The following GRIK2 variants were observed in gnomAD, a reference collection of about 807,000 sequenced individuals.
GRIK2 encodes glutamate ionotropic receptor kainate type subunit 2.
Under a neutral mutation model 100.3 loss-of-function variants are expected in GRIK2, and 32 were observed. The ratio of observed to expected loss-of-function variants is 0.32; its 90% CI spans 0.24 to 0.43. The LOEUF (loss-of-function observed/expected upper bound fraction) is 0.43, where lower values mean the gene tolerates loss of function less well. GRIK2 is among the 20% of genes least tolerant of loss of function. The pLI, the probability that GRIK2 is intolerant of heterozygous loss-of-function variation, is 1.00. For missense variants in GRIK2, 843 were observed against 1,114.9 expected, an observed-to-expected ratio of 0.76 and a Z score of 3.47; for synonymous variants, 417 against 389.4, an observed-to-expected ratio of 1.07 and a Z score of -0.83.
At chr6:101,427,573 C>T (rs986076975) in intron 2 of GRIK2, among the ~76,000 whole-genome samples, 1 of 152,148 alleles carries the variant, frequency 6.6e-6, no homozygotes, top group Non-Finnish European at 1.5e-5. Context: ...TGGCACAATT[C>T]AGTACTTTAT....
intron 2 of GRIK2, among the ~76,000 whole-genome samples, chr6:101,609,608 T>G (rs1174066923): frequency 6.6e-6 from 1 of 151,826 alleles, no homozygotes; most frequent in Non-Finnish European, 1.5e-5. Context: ...TACAAAAATA[T>G]GGCTTTAAAA....
intron 2 of GRIK2, among the ~76,000 whole-genome samples, chr6:101,432,920 G>T (rs1030349005): frequency 6.6e-6 from 1 of 152,092 alleles, no homozygotes; most frequent in Non-Finnish European, 1.5e-5. Context: ...GAGGAAGAAA[G>T]ATCTACCCCC....
At chr6:101,823,899 G>T (rs761410573) in intron 10 of GRIK2, among the ~76,000 whole-genome samples, 1 of 143,132 alleles carries the variant, frequency 7.0e-6, no homozygotes, top group Non-Finnish European at 1.5e-5. Context: ...ATGGAGTCTC[G>T]CTCTGTCGCC....
intron 7 of GRIK2, among the ~76,000 whole-genome samples, chr6:101,765,853 T>C (rs1778015314): frequency 6.6e-6 from 1 of 152,180 alleles, no homozygotes; most frequent in South Asian, 2.1e-4. Context: ...ACATGGCAGA[T>C]AGCAAATTTG....
chr6:101,786,791 G>T (rs1419257781), intron 7 of GRIK2, among the ~76,000 whole-genome samples: 1 of 152,088 alleles, frequency 6.6e-6, no homozygotes, highest in Non-Finnish European at 1.5e-5. Context: ...TGTTGCTGTT[G>T]TGTCCTTGTC....
intron 2 of GRIK2, among the ~76,000 whole-genome samples, chr6:101,613,250 T>C (rs928721162): frequency 4.0e-5 from 6 of 151,736 alleles, no homozygotes; most frequent in African/African-American, 1.2e-4. Context: ...AGTTTAACAA[T>C]AGGGACAGAC....
chr6:101,606,154 C>T (rs544066767), intron 2 of GRIK2, among the ~76,000 whole-genome samples: 36 of 152,084 alleles, frequency 2.4e-4, no homozygotes, highest in Middle Eastern at 3.4e-3. Context: ...AACTTTGCTT[C>T]CTCCAGACAG....
At chr6:101,695,982 A>G (rs1772457768) in intron 7 of GRIK2, among the ~76,000 whole-genome samples, 1 of 152,082 alleles carries the variant, frequency 6.6e-6, no homozygotes, top group South Asian at 2.1e-4. Context: ...TTGCAACATC[A>G]TAAAATAAAA....
intron 11 of GRIK2, among the ~76,000 whole-genome samples, chr6:101,889,119 T>G (rs1786862371): frequency 6.6e-6 from 1 of 152,126 alleles, no homozygotes; most frequent in Non-Finnish European, 1.5e-5. Context: ...CTGAGAGATG[T>G]TTCAAACAAT....
chr6:102,021,385 T>C, intron 14 of GRIK2, among the ~76,000 whole-genome samples: 1 of 151,378 alleles, frequency 6.6e-6, no homozygotes, highest in East Asian at 1.9e-4. Context: ...TAATAGACAG[T>C]TAAAATAATA....
chr6:101,691,164 T>A (rs937965255), intron 7 of GRIK2, among the ~76,000 whole-genome samples: 1 of 152,158 alleles, frequency 6.6e-6, no homozygotes, highest in Admixed American at 6.5e-5. Context: ...GTTCTAATCA[T>A]TAGTTCCTCT....
intron 12 of GRIK2, among the ~76,000 whole-genome samples, chr6:101,920,246 A>G (rs1429616251): frequency 1.3e-5 from 2 of 151,938 alleles, no homozygotes; most frequent in Non-Finnish European, 1.5e-5. Context: ...AAATAGCTTG[A>G]ATTAGTGGAC....
intron 7 of GRIK2, among the ~76,000 whole-genome samples, chr6:101,779,088 A>G (rs1307308521): frequency 6.6e-6 from 1 of 152,106 alleles, no homozygotes; most frequent in Non-Finnish European, 1.5e-5. Context: ...AATTTCTTAA[A>G]TTCTTCAATT....
chr6:101,446,984 TTA>T, intron 2 of GRIK2, among the ~76,000 whole-genome samples: 1 of 146,808 alleles, frequency 6.8e-6, no homozygotes, highest in East Asian at 2.0e-4. Flanking sequence ...TATTATATGT[TTA>T]TATATATGTA....
At chr6:101,420,621 G>A (rs1180103634) in intron 2 of GRIK2, among the ~76,000 whole-genome samples, 3 of 152,100 alleles carry the variant, frequency 2.0e-5, no homozygotes, top group African/African-American at 7.2e-5. Context: ...ACCTTTAGGT[G>A]AATCTCATAC....
chr6:101,904,372 TA>T (rs1171602212), intron 12 of GRIK2, among the ~76,000 whole-genome samples: 1 of 151,550 alleles, frequency 6.6e-6, no homozygotes, highest in African/African-American at 2.4e-5. Context: ...TTGAAGTTTT[TA>T]AAAAAATTAC....
At chr6:102,044,036 A>G (rs1344348662) in intron 15 of GRIK2, among the ~76,000 whole-genome samples, 1 of 151,962 alleles carries the variant, frequency 6.6e-6, no homozygotes, top group Non-Finnish European at 1.5e-5. Flanking sequence ...GTATATCTTT[A>G]TCAGCAGCAT....
chr6:101,798,995 A>T (rs769441054), intron 7 of GRIK2, among the ~76,000 whole-genome samples: 1 of 152,174 alleles, frequency 6.6e-6, no homozygotes, highest in Non-Finnish European at 1.5e-5. Context: ...AGGAAACCGT[A>T]CAAGAGATTA....
chr6:101,530,929 A>G (rs1331176720), intron 2 of GRIK2, among the ~76,000 whole-genome samples: 1 of 152,002 alleles, frequency 6.6e-6, no homozygotes, highest in Non-Finnish European at 1.5e-5. Flanking sequence ...GAATACTGGT[A>G]GCATTAGCTT....
Sources: allele counts gnomAD v4.1 joint callset (sites outside exome capture counted in the v4.1 genomes callset), GRCh38; gene constraint gnomAD v4.1.1; transcripts MANE v1.5; gene names NCBI Gene and HGNC (gene_info 2026-07-23, HGNC 2026-07-21).